The following ATP5MJ variants were observed in gnomAD, a reference collection of about 807,000 sequenced individuals.
ATP5MJ encodes ATP synthase F(0) complex subunit j, mitochondrial.
A neutral mutation model predicts 8.3 loss-of-function variants in ATP5MJ; 4 were observed. The observed-to-expected ratio is 0.48, with a 90% CI of 0.24 to 1.11. The LOEUF (loss-of-function observed/expected upper bound fraction) is 1.11. Among genes scored for constraint, ATP5MJ ranks in the 50% least tolerant of loss-of-function variants. The probability of loss-of-function intolerance (pLI) is 0.18; values close to 1 mark genes in which losing one functional copy is unlikely to be tolerated. For missense variants in ATP5MJ, 66 were observed against 71.8 expected, an observed-to-expected ratio of 0.92 and a Z score of 0.29; for synonymous variants, 23 against 21.3, an observed-to-expected ratio of 1.08 and a Z score of -0.23.
At chr14:103,915,034 A>C (rs776956038) in intron 2 of ATP5MJ, 32 bp downstream of exon 2, 2 of 1,612,714 alleles carry the variant, frequency 1.2e-6, no homozygotes, top group South Asian at 2.2e-5. Context: ...TTTCTTCCTG[A>C]CCTCAGAAAA....
At chr14:103,921,080 A>C in intron 1 of ATP5MJ, 2 of 1,522,600 alleles carry the variant, frequency 1.3e-6, no homozygotes, top group South Asian at 1.2e-5. Flanking sequence ...TGGCGCAAGG[A>C]AACTTGAGTT....
intron 1 of ATP5MJ, among the ~76,000 whole-genome samples, chr14:103,920,072 G>A (rs2087661677): frequency 6.6e-6 from 1 of 151,326 alleles, no homozygotes; most frequent in Non-Finnish European, 1.5e-5. Context: ...TGATCCGCCC[G>A]CCTCAGCCTC....
intron 1 of ATP5MJ, among the ~76,000 whole-genome samples, chr14:103,917,541 T>G (rs2087635057): frequency 6.6e-6 from 1 of 152,132 alleles, no homozygotes; most frequent in Non-Finnish European, 1.5e-5. Flanking sequence ...GGAACTGGCC[T>G]GGATGGGATT....
In ATP5MJ at chr14:103,915,107, A is replaced by G. The variant is rs1275667047; in HGVS notation, c.83T>C (p.Met28Thr). 3.1e-6 allele frequency: 5 copies of G among 1,614,154 alleles called. No individual in the cohort carries two copies. Among genetic ancestry groups the G allele is most frequent in the Non-Finnish European group, 4.2e-6 (5 of 1,180,018 alleles). ...ATAAACGATGAAGCCCATCAGCCCC[A>G]TTCCTATCCAAATCTCCTGGTAAAC... ...TKVYQEIWIGMGLMGFIVYKI... is the reference protein window; with the variant it reads ...TKVYQEIWIGTGLMGFIVYKI... The change falls in exon 2 of 4, where the codon ATG (methionine) becomes ACG (threonine). Residue 28 changes from methionine (M) to threonine (T), a missense_variant. Transcript: ENST00000286953.
chr14:103,920,412 G>T (rs1309655680), intron 1 of ATP5MJ, among the ~76,000 whole-genome samples: 2 of 150,390 alleles, frequency 1.3e-5, no homozygotes, highest in East Asian at 3.9e-4. Context: ...GATTACAGGC[G>T]TGAGCCACCG....
chr14:103,920,046 C>T (rs2087661132), intron 1 of ATP5MJ, among the ~76,000 whole-genome samples: 1 of 151,630 alleles, frequency 6.6e-6, no homozygotes, highest in Non-Finnish European at 1.5e-5. Flanking sequence ...AGGATGGTCT[C>T]GGTCTCTTAA....
chr14:103,920,253 T>C (rs939728082), intron 1 of ATP5MJ, among the ~76,000 whole-genome samples: 23 of 150,376 alleles, frequency 1.5e-4, no homozygotes, highest in Admixed American at 5.3e-4. Flanking sequence ...GCCTCCTGAG[T>C]AGCTGGGAAG....
At chr14:103,920,166 C>T (rs1402046332) in intron 1 of ATP5MJ, among the ~76,000 whole-genome samples, 4 of 133,496 alleles carry the variant, frequency 3.0e-5, no homozygotes, top group African/African-American at 1.1e-4. Flanking sequence ...GCTTTGTCAC[C>T]CAGGCTGGAA....
At chr14:103,912,990 C>A in intron 3 of ATP5MJ, 1 of 376,458 alleles carries the variant, frequency 2.7e-6, no homozygotes, top group Non-Finnish European at 4.8e-6. Flanking sequence ...CAAATGGCTA[C>A]AGTTTCATTG....
Position 103,921,007 on chromosome 14 carries a change from T to C in ATP5MJ, c.-1+463A>G, listed in dbSNP as rs376306098. The C allele has an allele frequency of 1.2e-4, 192 of 1,551,716 alleles. No homozygotes were observed. The African/African-American group carries it at 2.5e-3, about 20-fold the overall frequency. On this transcript the variant is annotated intron_variant, in intron 1 of 3. Transcript: ENST00000286953. ...CAATTTCATTCAGCACCGTATGATC[T>C]CTTTTCAGCTTCCCTGTTGCCTCAC...
At position 103,912,532 on chromosome 14, in the gene ATP5MJ, A is replaced by G. The variant is rs979101714; in HGVS notation, c.*134T>C. ...AGGTAGCAGTGCATCTCACAGATCC[A>G]TTTATTCATGCCATGAAGTAAACGG... On this transcript the variant is annotated 3_prime_UTR_variant, in exon 4 of 4. Transcript: ENST00000286953. 64 of 942,438 alleles carry G rather than the reference A, an allele frequency of 6.8e-5. No individual in the cohort carries two copies. Among genetic ancestry groups the G allele is most frequent in the Non-Finnish European group, 1.1e-4 (63 of 598,942 alleles). The allele number at this position is 942,438 out of a possible 1,614,324, so 58.4% of individuals were successfully genotyped here. A position where few individuals can be genotyped will look rare whatever the true frequency, so the allele number is the denominator to read the frequency against.
At chr14:103,913,722 A>G in intron 3 of ATP5MJ, 1 of 582,996 alleles carries the variant, frequency 1.7e-6, no homozygotes, top group Non-Finnish European at 3.0e-6. Flanking sequence ...CCTCTAATTA[A>G]TCCATTCCTC....
chr14:103,914,837 C>CAAAAAGAAAAAAAAAA (rs370479683), intron 2 of ATP5MJ: 9 of 191,088 alleles, frequency 4.7e-5, no homozygotes, highest in African/African-American at 4.3e-4. Flanking sequence ...AGACTGTCTC[C>CAAAAAGAAAAAAAAAA]AAAAAAAAAA....
intron 2 of ATP5MJ, chr14:103,914,222 C>T (rs1245370211): frequency 1.6e-5 from 9 of 568,510 alleles, no homozygotes; most frequent in African/African-American, 9.4e-5. Context: ...AAACTTTAGT[C>T]TTGCAGCATA....
chr14:103,921,283 G>A, intron 1 of ATP5MJ, 187 bp downstream of exon 1: 1 of 422,870 alleles, frequency 2.4e-6, no homozygotes, highest in Non-Finnish European at 4.3e-6. Context: ...GCAGGCCTAG[G>A]CGATGCTTCC....
intron 1 of ATP5MJ, among the ~76,000 whole-genome samples, chr14:103,915,539 G>T (rs940604639): frequency 2.0e-5 from 3 of 152,110 alleles, no homozygotes; most frequent in Non-Finnish European, 4.4e-5. Flanking sequence ...TAGAGAGAGG[G>T]TTTTGCCATG....
intron 3 of ATP5MJ, chr14:103,912,911 G>A (rs1000332545): frequency 1.1e-5 from 6 of 556,042 alleles, no homozygotes; most frequent in African/African-American, 3.8e-5. Context: ...CACCCACAGC[G>A]CAAAGAGAGA....
rs570151766 is a variant in ATP5MJ at position 103,921,064 on chromosome 14, G to T, written c.-1+406C>A. The T allele has an allele frequency of 1.0e-5, 16 of 1,545,420 alleles. No individual in the cohort carries two copies. The Admixed American group carries it at 2.7e-4, about 27-fold the overall frequency. On this transcript the variant is annotated intron_variant, in intron 1 of 3. Transcript: ENST00000286953. The stretch of plus-strand genomic sequence containing the variant: ...TGTCATGTACAGCATAACGTGGAGG[G>T]CAGTGTGGCGCAAGGAAACTTGAGT...
chr14:103,914,535 C>A (rs1191040107), intron 2 of ATP5MJ: 1 of 656,892 alleles, frequency 1.5e-6, no homozygotes, highest in African/African-American at 1.8e-5. Context: ...TGTTGTGGCT[C>A]ACGCTTGTTA....
Sources: allele counts gnomAD v4.1 joint callset (sites outside exome capture counted in the v4.1 genomes callset), GRCh38; gene constraint gnomAD v4.1.1; transcripts MANE v1.5; gene names NCBI Gene and HGNC (gene_info 2026-07-23, HGNC 2026-07-21).